The following SOX5 variants were observed in gnomAD, a reference collection of about 807,000 sequenced individuals.
The protein encoded by SOX5 is SRY-box transcription factor 5, also known as transcription factor SOX-5.
SOX5 carries 9 observed loss-of-function variants against 92.0 expected under a neutral mutation model. That is an observed-to-expected ratio of 0.10 (90% CI 0.06 to 0.17). The LOEUF is 0.17. SOX5 is among the 10% of genes least tolerant of loss of function. The pLI, the probability that SOX5 is intolerant of heterozygous loss-of-function variation, is 1.00. For synonymous variants in SOX5, 344 were observed against 336.3 expected (o/e 1.02, Z -0.25); for missense variants, 642 against 944.5 (o/e 0.68, Z 4.20).
intron 3 of SOX5, among the ~76,000 whole-genome samples, chr12:24,224,073 G>A (rs1961252844): frequency 6.6e-6 from 1 of 152,200 alleles, no homozygotes; most frequent in African/African-American, 2.4e-5. Flanking sequence ...TCGCATTGTT[G>A]TTTCGCTGGA....
intron 6 of SOX5, among the ~76,000 whole-genome samples, chr12:23,726,868 G>A (rs750444750): frequency 1.1e-4 from 16 of 152,076 alleles, no homozygotes; most frequent in Non-Finnish European, 1.9e-4. Flanking sequence ...GCTGAAGCCC[G>A]CTGGTTCTGT....
In SOX5 at chr12:24,290,348, A is replaced by T. The variant is rs1010268101; in HGVS notation, c.-173-13036T>A. On this transcript the variant is annotated intron_variant, in intron 2 of 4. Transcript: ENST00000446891. ...ACAATGTTAGGTTGATTCCACAAAA[A>T]TATATTTGGCTAATGATAGTAATAA... Among the ~76,000 whole-genome samples the T allele has an allele frequency of 9.7e-4, 147 of 152,312 alleles. 1 individual carries two copies. The highest frequency in any genetic ancestry group is 6.8e-3 in the Middle Eastern group (2 of 294).
intron 1 of SOX5, among the ~76,000 whole-genome samples, chr12:24,469,915 G>A (rs11047464): frequency 0.29 from 44,611 of 151,930 alleles, 6,653 homozygotes; most frequent in Middle Eastern, 0.35. Flanking sequence ...GGCTGGAAGC[G>A]GTAAGCAAAT....
intron 11 of SOX5, among the ~76,000 whole-genome samples, chr12:23,556,417 C>T (rs1051636647): frequency 1.4e-4 from 22 of 152,096 alleles, no homozygotes; most frequent in African/African-American, 3.4e-4. Flanking sequence ...AAATAATATA[C>T]GCTCACTTTA....
chr12:23,850,808 A>T (rs2096625309), intron 2 of SOX5, among the ~76,000 whole-genome samples: 1 of 152,170 alleles, frequency 6.6e-6, no homozygotes, highest in Admixed American at 6.5e-5. Flanking sequence ...GATAGCTATA[A>T]ATGCTATTTT....
At chr12:24,041,604 A>G (rs1367534347) in intron 4 of SOX5, among the ~76,000 whole-genome samples, 1 of 152,192 alleles carries the variant, frequency 6.6e-6, no homozygotes, top group Non-Finnish European at 1.5e-5. Context: ...TTGAGAATTG[A>G]TAACTGCAAA....
intron 3 of SOX5, among the ~76,000 whole-genome samples, chr12:24,241,301 T>G (rs749180970): frequency 1.3e-5 from 2 of 152,198 alleles, no homozygotes; most frequent in Non-Finnish European, 2.9e-5. Context: ...GATAATGAGA[T>G]TTTAAATACA....
chr12:24,443,097 G>T (rs1252482497), intron 1 of SOX5, among the ~76,000 whole-genome samples: 1 of 151,682 alleles, frequency 6.6e-6, no homozygotes, highest in Non-Finnish European at 1.5e-5. Flanking sequence ...GACTAAGGGC[G>T]CACACTGCAA....
intron 3 of SOX5, among the ~76,000 whole-genome samples, chr12:24,273,694 TCTTA>T (rs1176249024): frequency 6.6e-6 from 1 of 152,174 alleles, no homozygotes; most frequent in African/African-American, 2.4e-5. Context: ...TTAATTTTGT[TCTTA>T]CTTTAATTAA....
intron 4 of SOX5, among the ~76,000 whole-genome samples, chr12:23,749,620 G>T (rs757733894): frequency 2.0e-5 from 3 of 151,886 alleles, no homozygotes; most frequent in Admixed American, 6.6e-5. Context: ...TCTATAGTGA[G>T]TGAAAGGGTT....
At chr12:23,646,200 G>A (rs117138490) in intron 7 of SOX5, among the ~76,000 whole-genome samples, 3,594 of 151,972 alleles carry the variant, frequency 0.024, 60 homozygotes, top group Non-Finnish European at 0.039. Context: ...TTTGAGACAG[G>A]GTCTGGCTAT....
intron 4 of SOX5, among the ~76,000 whole-genome samples, chr12:23,975,772 T>C (rs1326808147): frequency 6.6e-6 from 1 of 152,188 alleles, no homozygotes; most frequent in Non-Finnish European, 1.5e-5. Flanking sequence ...AAGAGTCCCT[T>C]GAACATAATA....
rs1322139525 is a variant in SOX5 at position 24,179,071 on chromosome 12, TTGTTACC to T, written c.-2+34265_-2+34271del. 3.9e-5 allele frequency among the ~76,000 whole-genome samples: 6 copies of T among 152,368 alleles called. No homozygotes were observed. In the East Asian group the frequency reaches 9.6e-4, roughly 24 times the overall value. ...TCACATAAAAATGATATCAGCGGGC[TTGTTACC>T]TCTAATTAGATATCTCAAATGTTAT... On this transcript the variant is annotated intron_variant, in intron 4 of 4. Coordinates refer to the SOX5 transcript ENST00000446891.
At chr12:24,300,626 C>T (rs1286355246) in intron 2 of SOX5, among the ~76,000 whole-genome samples, 1 of 152,298 alleles carries the variant, frequency 6.6e-6, no homozygotes, top group Middle Eastern at 3.4e-3. Flanking sequence ...CCCACAACTT[C>T]TTTCTTCCAG....
intron 4 of SOX5, among the ~76,000 whole-genome samples, chr12:23,971,281 C>T (rs1461550926): frequency 6.6e-6 from 1 of 151,400 alleles, no homozygotes; most frequent in African/African-American, 2.4e-5. Context: ...CGCCACCATG[C>T]CTGGCTAATT....
chr12:24,400,670 G>C (rs1381537852), intron 1 of SOX5, among the ~76,000 whole-genome samples: 1 of 152,144 alleles, frequency 6.6e-6, no homozygotes, highest in African/African-American at 2.4e-5. Flanking sequence ...AAATGCTTCA[G>C]TGTAATAGTC....
intron 4 of SOX5, among the ~76,000 whole-genome samples, chr12:24,193,205 T>C (rs35497828): frequency 0.24 from 37,170 of 152,118 alleles, 5,791 homozygotes; most frequent in African/African-American, 0.44. Context: ...TGCAGGAAGA[T>C]ATTAAGAGGC....
In SOX5 at chr12:23,886,453, G is replaced by T. The variant is rs139039373; in HGVS notation, c.270+9340C>A. 1.6e-4 allele frequency among the ~76,000 whole-genome samples: 24 copies of T among 152,166 alleles called. No homozygotes were observed. The East Asian group carries it at 4.6e-3, about 29-fold the overall frequency. On this transcript the variant is annotated intron_variant, in intron 2 of 14. Coordinates refer to ENST00000451604, the MANE Select transcript of SOX5 (RefSeq NM_006940.6). ...GTAAGCATTATGTGATACATTTGAG[G>T]TCCCATGGACAAATGAGTTACCACG...
intron 4 of SOX5, among the ~76,000 whole-genome samples, chr12:24,137,810 A>G (rs1408219705): frequency 6.6e-6 from 1 of 152,222 alleles, no homozygotes; most frequent in African/African-American, 2.4e-5. Context: ...GCCTGCAAGA[A>G]TCAGTAAAAA....
Sources: allele counts gnomAD v4.1 joint callset (sites outside exome capture counted in the v4.1 genomes callset), GRCh38; gene constraint gnomAD v4.1.1; transcripts MANE v1.5; gene names NCBI Gene and HGNC (gene_info 2026-07-23, HGNC 2026-07-21).